Variants in SHROOM3 observed in about 807,000 individuals in gnomAD.
The protein encoded by SHROOM3 is shroom family member 3.
Under a neutral mutation model 138.6 loss-of-function variants are expected in SHROOM3, and 47 were observed. That is an observed-to-expected ratio of 0.34 (90% CI 0.27 to 0.43). The LOEUF is 0.43. Among genes scored for constraint, SHROOM3 ranks in the 20% least tolerant of loss-of-function variants. The probability of loss-of-function intolerance (pLI) is 1.00; values close to 1 mark genes in which losing one functional copy is unlikely to be tolerated. For synonymous variants in SHROOM3, 1,062 were observed against 1,063.3 expected (o/e 1.00, Z 0.02); for missense variants, 2,491 against 2,596.5 (o/e 0.96, Z 0.88).
rs763299612 is a variant in SHROOM3, at chr4:76,710,304, T to C, written c.455+17T>C. 6.2e-7 allele frequency: 1 copy of C among 1,613,520 alleles called. No individual in the cohort carries two copies. ...GAAGCACAGGTAAGACGCACGGAAG[T>C]TGGTGCTGGCAGTTCGGAAAAAGAA... On this transcript the variant is annotated intron_variant, in intron 3 of 10. Transcript: ENST00000296043.
intron 6 of SHROOM3, among the ~76,000 whole-genome samples, chr4:76,750,883 G>T (rs1721600487): frequency 6.6e-6 from 1 of 151,980 alleles, no homozygotes; most frequent in Non-Finnish European, 1.5e-5. Flanking sequence ...GCATACCACT[G>T]AATAACTGAA....
intron 1 of SHROOM3, among the ~76,000 whole-genome samples, chr4:76,529,386 G>A (rs904089787): frequency 1.3e-5 from 2 of 151,424 alleles, no homozygotes; most frequent in African/African-American, 4.9e-5. Flanking sequence ...GTGCCATCTC[G>A]GCTCACTGCA....
chr4:76,652,750 T>A (rs1735986373), intron 2 of SHROOM3, among the ~76,000 whole-genome samples: 1 of 109,600 alleles, frequency 9.1e-6, no homozygotes, highest in Non-Finnish European at 1.9e-5. Flanking sequence ...CACTTGAGTC[T>A]CCCTCTCTCT....
At chr4:76,624,790 T>C (rs1013650995) in intron 2 of SHROOM3, among the ~76,000 whole-genome samples, 4 of 152,246 alleles carry the variant, frequency 2.6e-5, no homozygotes, top group Non-Finnish European at 4.4e-5. Context: ...GATTTAATAA[T>C]ATTGAACATT....
intron 2 of SHROOM3, among the ~76,000 whole-genome samples, chr4:76,616,195 A>G (rs1451837362): frequency 1.3e-5 from 2 of 152,242 alleles, no homozygotes; most frequent in African/African-American, 4.8e-5. Flanking sequence ...GGTAAGACGA[A>G]GTTCCTGTTC....
At chr4:76,534,161 C>T (rs7690648) in intron 1 of SHROOM3, among the ~76,000 whole-genome samples, 1 of 152,110 alleles carries the variant, frequency 6.6e-6, no homozygotes, top group Admixed American at 6.5e-5. Context: ...AAAGCACAAA[C>T]CCCCAAGATT....
chr4:76,638,293 A>T (rs1016690545), intron 2 of SHROOM3, among the ~76,000 whole-genome samples: 1 of 152,198 alleles, frequency 6.6e-6, no homozygotes, highest in Non-Finnish European at 1.5e-5. Context: ...AATCAAAAAT[A>T]TGTTTATATA....
chr4:76,495,629 T>G (rs1051646985), intron 1 of SHROOM3, among the ~76,000 whole-genome samples: 2 of 152,214 alleles, frequency 1.3e-5, no homozygotes, highest in African/African-American at 2.4e-5. Flanking sequence ...AAACCCCTGA[T>G]AGCAGAGAAG....
chr4:76,689,663 G>A lies in SHROOM3; in HGVS notation c.324-20493G>A, dbSNP rs1000287266. The A allele has an allele frequency of 9.1e-6, 9 of 985,232 alleles. No homozygotes were observed. The South Asian group carries it at 3.3e-4, about 36-fold the overall frequency. The allele number at this position is 985,232 out of a possible 1,614,324, so 61.0% of individuals were successfully genotyped here. Reference sequence around the variant, plus strand: ...GAACTTGGCGTCGGCCTGGAGCCCCGAGCAGCCCGGGGGCGGCGGCCGCGA... The same window carrying A: ...GAACTTGGCGTCGGCCTGGAGCCCCAAGCAGCCCGGGGGCGGCGGCCGCGA... On this transcript the variant is annotated intron_variant, in intron 2 of 10. Coordinates refer to ENST00000296043, the MANE Select transcript of SHROOM3 (RefSeq NM_020859.4).
chr4:76,697,908 C>T (rs1165020997), intron 2 of SHROOM3, among the ~76,000 whole-genome samples: 2 of 152,090 alleles, frequency 1.3e-5, no homozygotes, highest in Non-Finnish European at 2.9e-5. Context: ...AAAAAGAATT[C>T]AAGCATTTAT....
intron 2 of SHROOM3, among the ~76,000 whole-genome samples, chr4:76,557,147 C>G (rs924375622): frequency 1.3e-5 from 2 of 151,032 alleles, no homozygotes. Context: ...GTATTTATGC[C>G]AAAATATGGC....
At chr4:76,706,985 G>A (rs1212889104) in intron 2 of SHROOM3, among the ~76,000 whole-genome samples, 5 of 152,130 alleles carry the variant, frequency 3.3e-5, no homozygotes, top group Non-Finnish European at 5.9e-5. Flanking sequence ...GATCCTTTAG[G>A]GATCTAGAAG....
In SHROOM3 at chr4:76,435,917, A is replaced by G; in HGVS notation, c.-136A>G. The G allele has an allele frequency of 1.3e-6, 1 of 795,564 alleles. No individual in the cohort carries two copies. The highest frequency in any genetic ancestry group is 2.0e-6 in the Non-Finnish European group (1 of 502,486). 49.3% of individuals were successfully genotyped at this position (795,564 alleles called of 1,614,324 possible). A position where few individuals can be genotyped will look rare whatever the true frequency, so the allele number is the denominator to read the frequency against. On this transcript the variant is annotated 5_prime_UTR_variant, in exon 1 of 11. Transcript: ENST00000296043. ...GCTTGGAAGAACATTTTACGTATGGAAGAATTTGCTTCTCCAAACCTCTCT... is the reference window on the plus strand; with the variant it reads ...GCTTGGAAGAACATTTTACGTATGGGAGAATTTGCTTCTCCAAACCTCTCT...
At position 76,741,193 on chromosome 4, in the gene SHROOM3, C is replaced by G. The variant is rs1244687453; in HGVS notation, c.3020C>G (p.Ala1007Gly). Reference sequence around the variant, plus strand: ...GTGCCCCCTGCCGCCCGGAGAGGTGCTCGCCGGCGCCTGACTCCCGAGCAG... The same window carrying G: ...GTGCCCCCTGCCGCCCGGAGAGGTGGTCGCCGGCGCCTGACTCCCGAGCAG... ...RPVPPAARRG[A>G]RRRLTPEQKK... Residue 1007 changes from alanine (A) to glycine (G), a missense_variant, in exon 5 of 11, where the codon GCT (alanine) becomes GGT (glycine). By Grantham distance (60) the Ala-to-Gly change is moderately conservative. Coordinates refer to ENST00000296043, the MANE Select transcript of SHROOM3 (RefSeq NM_020859.4). The surrounding 1 kb of genome is among the most constrained non-coding windows in gnomAD (Gnocchi z 6.2). The G allele has an allele frequency of 6.3e-7, 1 of 1,598,044 alleles. No homozygotes were observed. Among genetic ancestry groups the G allele is most frequent in the Non-Finnish European group, 8.5e-7 (1 of 1,173,374 alleles).
chr4:76,661,396 A>T (rs1001146641), intron 2 of SHROOM3, among the ~76,000 whole-genome samples: 8 of 151,764 alleles, frequency 5.3e-5, no homozygotes, highest in African/African-American at 1.9e-4. Context: ...CGCCTGGCTA[A>T]TTTTTTTGTA....
At chr4:76,695,094 G>T (rs1383075623) in intron 2 of SHROOM3, among the ~76,000 whole-genome samples, 2 of 152,166 alleles carry the variant, frequency 1.3e-5, no homozygotes, top group Admixed American at 6.5e-5. Context: ...TAATACTGGT[G>T]GTGGGGGATG....
At position 76,740,347 on chromosome 4, in the gene SHROOM3, C is replaced by G; in HGVS notation, c.2174C>G (p.Pro725Arg). ...HLDRQVSYPRPEGRTGASASF... is the reference protein window; with the variant it reads ...HLDRQVSYPRREGRTGASASF... The stretch of plus-strand genomic sequence containing the variant: ...GACCGGCAGGTTTCCTACCCGCGGC[C>G]CGAGGGGAGGACCGGTGCCTCGGCT... Residue 725 changes from proline (P) to arginine (R), a missense_variant, in exon 5 of 11, where the codon CCC becomes CGC. Pro to Arg is a moderately radical substitution (Grantham distance 103). Coordinates refer to ENST00000296043, the MANE Select transcript of SHROOM3 (RefSeq NM_020859.4). This position sits in a 1 kb window ranked among gnomAD's most constrained non-coding sequence, Gnocchi z 4.0. 1 of 1,613,080 alleles carries G rather than the reference C, an allele frequency of 6.2e-7. No individual in the cohort carries two copies. Among genetic ancestry groups the G allele is most frequent in the Non-Finnish European group, 8.5e-7 (1 of 1,180,020 alleles).
rs751633853 is a variant in SHROOM3, at chr4:76,738,845, G to T, written c.672G>T (p.Glu224Asp). 2.2e-5 allele frequency: 35 copies of T among 1,614,050 alleles called. No individual in the cohort carries two copies. The highest frequency in any genetic ancestry group is 2.9e-5 in the Non-Finnish European group (34 of 1,179,990). Residue 224 changes from glutamate (E) to aspartate (D), a missense_variant, in exon 5 of 11, where the codon GAG becomes GAT. By Grantham distance (45) the Glu-to-Asp change is conservative (BLOSUM62 2). This residue lies in a region of SHROOM3 where 284 missense variants were observed against 322.8 expected (regional missense o/e 0.88). Coordinates refer to ENST00000296043, the MANE Select transcript of SHROOM3 (RefSeq NM_020859.4). Reference protein sequence around the residue: ...PDQCSSQGSMESLEPSGAYPP... With the variant: ...PDQCSSQGSMDSLEPSGAYPP... ...AGTGCAGCTCCCAGGGGAGCATGGA[G>T]AGCCTGGAGCCCAGTGGGGCATACC...
chr4:76,455,469 T>G (rs1731009135), intron 1 of SHROOM3, among the ~76,000 whole-genome samples: 1 of 151,940 alleles, frequency 6.6e-6, no homozygotes, highest in African/African-American at 2.4e-5. Flanking sequence ...CTGTACAAAA[T>G]TGAAAATATT....
Sources: allele counts gnomAD v4.1 joint callset (sites outside exome capture counted in the v4.1 genomes callset), GRCh38; gene constraint gnomAD v4.1.1; regional missense constraint gnomAD v4.1.1; non-coding constraint Gnocchi (gnomAD v3.1); transcripts MANE v1.5; gene names NCBI Gene and HGNC (gene_info 2026-07-23, HGNC 2026-07-21).